The following CDH1 variants were observed in gnomAD, a reference collection of about 807,000 sequenced individuals.
CDH1 encodes the protein cadherin 1.
In CDH1, 35 loss-of-function variants were observed where a neutral mutation model predicts 84.5. The ratio of observed to expected loss-of-function variants is 0.41; its 90% CI spans 0.32 to 0.55. CDH1 has a LOEUF of 0.55. Among genes scored for constraint, CDH1 ranks in the 20% least tolerant of loss-of-function variants. The pLI is 0.19. For missense variants in CDH1, 994 were observed against 1,126.6 expected (o/e 0.88, Z 1.68); for synonymous variants, 417 against 439.0 (o/e 0.95, Z 0.63).
At chr16:68,756,160 C>T (rs1397275120) in intron 2 of CDH1, among the ~76,000 whole-genome samples, 4 of 146,438 alleles carry the variant, frequency 2.7e-5, no homozygotes, top group Admixed American at 6.8e-5. Context: ...TGCATGTATA[C>T]GAGTGTTCCT....
chr16:68,752,149 A>C (rs1035537601), intron 2 of CDH1, among the ~76,000 whole-genome samples: 1 of 151,694 alleles, frequency 6.6e-6, no homozygotes, highest in Non-Finnish European at 1.5e-5. Flanking sequence ...ACTGGGTTTC[A>C]CCATGTTGGC....
chr16:68,759,198 C>T (rs780014600), intron 2 of CDH1, among the ~76,000 whole-genome samples: 3 of 152,138 alleles, frequency 2.0e-5, no homozygotes, highest in South Asian at 2.1e-4. Context: ...CCTCAGCCTC[C>T]GACAAGTGGT....
intron 2 of CDH1, among the ~76,000 whole-genome samples, chr16:68,746,805 C>A (rs532964241): frequency 6.6e-6 from 1 of 151,604 alleles, no homozygotes; most frequent in African/African-American, 2.4e-5. Context: ...AAAAGCTAGC[C>A]GGGCGTGGTG....
At chr16:68,758,451 G>A (rs564359768) in intron 2 of CDH1, among the ~76,000 whole-genome samples, 5 of 151,814 alleles carry the variant, frequency 3.3e-5, no homozygotes, top group East Asian at 3.9e-4. Flanking sequence ...GCTGGGCTCC[G>A]TGGTACACAT....
At chr16:68,806,022 A>G (rs558000531) in intron 3 of CDH1, among the ~76,000 whole-genome samples, 17 of 152,230 alleles carry the variant, frequency 1.1e-4, no homozygotes, top group African/African-American at 4.1e-4. Context: ...ATCTCGGCTC[A>G]CTACAACTTC....
At chr16:68,783,695 GA>G (rs1959953455) in intron 2 of CDH1, among the ~76,000 whole-genome samples, 1 of 150,674 alleles carries the variant, frequency 6.6e-6, no homozygotes, top group African/African-American at 2.4e-5. Flanking sequence ...TATTTTTTTT[GA>G]GATAGAGTCT....
At chr16:68,763,765 C>G (rs1362327902) in intron 2 of CDH1, among the ~76,000 whole-genome samples, 1 of 152,180 alleles carries the variant, frequency 6.6e-6, no homozygotes, top group Admixed American at 6.5e-5. Flanking sequence ...TCCAAGGAAA[C>G]AGTTCTCTGT....
At chr16:68,800,361 A>G (rs578250217) in intron 2 of CDH1, among the ~76,000 whole-genome samples, 4 of 152,198 alleles carry the variant, frequency 2.6e-5, no homozygotes, top group African/African-American at 7.2e-5. Context: ...AATGGAGAAA[A>G]TCTGTTACTT....
intron 2 of CDH1, among the ~76,000 whole-genome samples, chr16:68,770,301 A>C (rs558824561): frequency 6.6e-6 from 1 of 152,014 alleles, no homozygotes; most frequent in South Asian, 2.1e-4. Context: ...CTCTGACTAC[A>C]TCTTTTCCTG....
chr16:68,745,550 A>ATATATATATATATATATATGTG (rs747315843), intron 2 of CDH1, among the ~76,000 whole-genome samples: 1 of 50,498 alleles, frequency 2.0e-5, no homozygotes, highest in Non-Finnish European at 3.3e-5. Context: ...AAAAAAAAAA[A>ATATATATATATATATATATGTG]TATATATATA....
At chr16:68,745,587 A>ATATGTGTATATATATG (rs1041098034) in intron 2 of CDH1, among the ~76,000 whole-genome samples, 2 of 123,836 alleles carry the variant, frequency 1.6e-5, no homozygotes, top group Non-Finnish European at 3.4e-5. Flanking sequence ...TATGTGTAAT[A>ATATGTGTATATATATG]TATGTGTATA....
intron 3 of CDH1, among the ~76,000 whole-genome samples, chr16:68,806,873 A>T (rs367826636): frequency 1.3e-5 from 2 of 152,322 alleles, no homozygotes; most frequent in South Asian, 4.1e-4. Context: ...GCATGTGTGC[A>T]CATGTGGCCA....
In CDH1 at chr16:68,737,334, C is replaced by A; in HGVS notation, c.-82C>A. On this transcript the variant is annotated 5_prime_UTR_variant, in exon 1 of 16. Transcript: ENST00000261769. The stretch of plus-strand genomic sequence containing the variant: ...AAAGCACCTGTGAGCTTGCGGAAGT[C>A]AGTTCAGACTCCAGCCCGCTCCAGC... The A allele has an allele frequency of 8.4e-7, 1 of 1,188,964 alleles. No homozygotes were observed. Among genetic ancestry groups the A allele is most frequent in the Non-Finnish European group, 1.2e-6 (1 of 850,538 alleles). The allele number at this position is 1,188,964 out of a possible 1,614,324, so 73.7% of individuals were successfully genotyped here.
Position 68,822,185 on chromosome 16 carries a change from C to A in CDH1, c.1896C>A (p.His632Gln). The A allele has an allele frequency of 6.2e-7, 1 of 1,614,116 alleles. No individual in the cohort carries two copies. The highest frequency in any genetic ancestry group is 8.5e-7 in the Non-Finnish European group (1 of 1,179,998). Residue 632 changes from histidine (H) to glutamine (Q), a missense_variant, in exon 12 of 16, where the codon CAC (histidine) becomes CAA (glutamine). Physicochemically the swap from His to Gln is conservative, Grantham distance 24. This residue lies in a region of CDH1 where 769 missense variants were observed against 881.8 expected (regional missense o/e 0.87). Transcript: ENST00000261769. ...CTCCCTTCACAGCAGAACTAACACACGGGGCGAGTGCCAACTGGACCATTC... is the reference window on the plus strand; with the variant it reads ...CTCCCTTCACAGCAGAACTAACACAAGGGGCGAGTGCCAACTGGACCATTC... ...NTSPFTAELT[H>Q]GASANWTIQY...
intron 2 of CDH1, among the ~76,000 whole-genome samples, chr16:68,752,184 T>G (rs1245441947): frequency 6.6e-6 from 1 of 152,122 alleles, no homozygotes; most frequent in African/African-American, 2.4e-5. Context: ...ACTCCTGACC[T>G]CAGGTGATCC....
chr16:68,760,361 C>T (rs563908791), intron 2 of CDH1, among the ~76,000 whole-genome samples: 2 of 150,946 alleles, frequency 1.3e-5, no homozygotes, highest in African/African-American at 2.4e-5. Flanking sequence ...GATCCTCCCC[C>T]ACTCAGCCTC....
In CDH1 at chr16:68,783,653, T is replaced by C. The variant is rs910631138; in HGVS notation, c.164-18017T>C. ...ACATATACACTTACTTGATTCTTTT[T>C]TAAACAGCTCCCTCATTCTTTTTAT... On this transcript the variant is annotated intron_variant, in intron 2 of 15. Transcript: ENST00000261769. Among the ~76,000 whole-genome samples the C allele has an allele frequency of 2.0e-5, 3 of 152,106 alleles. No individual in the cohort carries two copies. The East Asian group carries it at 5.8e-4, about 29-fold the overall frequency.
chr16:68,808,375 T>C (rs1430091235), intron 3 of CDH1, 49 bp from the exon 4 acceptor site: 1 of 1,608,328 alleles, frequency 6.2e-7, no homozygotes, highest in African/African-American at 1.3e-5. Flanking sequence ...AGACCTGAAG[T>C]ATCCGTCTTG....
At chr16:68,818,645 G>A (rs959112450) in intron 10 of CDH1, among the ~76,000 whole-genome samples, 17 of 150,352 alleles carry the variant, frequency 1.1e-4, no homozygotes, top group African/African-American at 3.9e-4. Flanking sequence ...TCAGGAGATC[G>A]AGACCATCCT....
Sources: gnomAD v4.1 joint callset for allele counts (sites outside exome capture counted in the v4.1 genomes callset) on GRCh38, gnomAD v4.1.1 for gene constraint, gnomAD v4.1.1 regional missense constraint, MANE v1.5 for transcripts, NCBI Gene and HGNC (gene_info 2026-07-23, HGNC 2026-07-21) for gene names.